Variants in PHACTR3 observed in about 807,000 individuals in gnomAD.
PHACTR3 encodes the protein protein phosphatase 1, regulatory subunit 123.
Under a neutral mutation model 66.8 loss-of-function variants are expected in PHACTR3, and 16 were observed. The observed-to-expected ratio is 0.24, with a 90% CI of 0.16 to 0.36. PHACTR3 has a LOEUF of 0.36. Ranked by LOEUF, PHACTR3 falls within the 10% of genes least tolerant of loss-of-function variation. PHACTR3 has a pLI of 1.00. For missense variants in PHACTR3, 647 were observed against 719.9 expected (o/e 0.90, Z 1.16); for synonymous variants, 323 against 292.1 (o/e 1.11, Z -1.08).
intron 1 of PHACTR3, among the ~76,000 whole-genome samples, chr20:59,611,885 C>A (rs531163279): frequency 2.0e-5 from 3 of 152,112 alleles, no homozygotes; most frequent in African/African-American, 4.8e-5. Flanking sequence ...GTGTATTTTG[C>A]GGGGATTGTT....
At chr20:59,780,474 C>G (rs1179978216) in intron 7 of PHACTR3, among the ~76,000 whole-genome samples, 1 of 152,142 alleles carries the variant, frequency 6.6e-6, no homozygotes, top group Non-Finnish European at 1.5e-5. Flanking sequence ...TCTATGTGTC[C>G]TCACATGGCA....
At chr20:59,646,525 A>G (rs953544051) in intron 1 of PHACTR3, among the ~76,000 whole-genome samples, 1 of 152,156 alleles carries the variant, frequency 6.6e-6, no homozygotes, top group Non-Finnish European at 1.5e-5. Context: ...GAACGAAGTG[A>G]AAATGAAGCT....
intron 1 of PHACTR3, among the ~76,000 whole-genome samples, chr20:59,649,618 T>C (rs1331558749): frequency 6.6e-6 from 1 of 152,204 alleles, no homozygotes; most frequent in Non-Finnish European, 1.5e-5. Flanking sequence ...TCACAGAAAT[T>C]CCAATTAAGA....
chr20:59,831,994 T>C (rs1192894644), intron 8 of PHACTR3, among the ~76,000 whole-genome samples: 1 of 152,164 alleles, frequency 6.6e-6, no homozygotes, highest in East Asian at 1.9e-4. Flanking sequence ...GTCAGCACAC[T>C]GTGGGGCAGG....
chr20:59,804,870 G>A (rs1280343557), intron 7 of PHACTR3, among the ~76,000 whole-genome samples: 2 of 152,206 alleles, frequency 1.3e-5, no homozygotes, highest in Admixed American at 6.5e-5. Flanking sequence ...CACACTAGGA[G>A]TTGACTTCCT....
intron 1 of PHACTR3, among the ~76,000 whole-genome samples, chr20:59,617,563 T>C (rs1162838819): frequency 6.6e-6 from 1 of 152,212 alleles, no homozygotes; most frequent in Non-Finnish European, 1.5e-5. Flanking sequence ...TTTTCTGTTT[T>C]GTTGAACTGA....
chr20:59,745,273 C>T (rs1409971862), intron 2 of PHACTR3, among the ~76,000 whole-genome samples: 7 of 152,186 alleles, frequency 4.6e-5, no homozygotes, highest in Non-Finnish European at 8.8e-5. Context: ...GAGTGACCTC[C>T]GTGACCTCAG....
intron 8 of PHACTR3, among the ~76,000 whole-genome samples, chr20:59,821,944 C>T (rs2145422536): frequency 6.6e-6 from 1 of 151,630 alleles, no homozygotes; most frequent in East Asian, 2.0e-4. Flanking sequence ...ACAAACACAG[C>T]TACCCCCTCC....
At chr20:59,682,756 A>T (rs2146546954) in intron 1 of PHACTR3, among the ~76,000 whole-genome samples, 1 of 152,254 alleles carries the variant, frequency 6.6e-6, no homozygotes, top group South Asian at 2.1e-4. Flanking sequence ...TTCAGTGAAG[A>T]CGCCCCGAAT....
chr20:59,789,515 A>G lies in PHACTR3; in HGVS notation c.1174+15025A>G, dbSNP rs368396912. ...CCACAAAGACCAAGACTTAGGAGTA[A>G]GGGGCATACCTTAAGGCTTTGTTCA... On this transcript the variant is annotated intron_variant, in intron 7 of 12. Coordinates refer to ENST00000371015, the MANE Select transcript of PHACTR3 (RefSeq NM_080672.5). Among the ~76,000 whole-genome samples the G allele has an allele frequency of 5.3e-4, 80 of 152,346 alleles. No individual in the cohort carries two copies. The South Asian group carries it at 0.013, about 25-fold the overall frequency.
intron 1 of PHACTR3, among the ~76,000 whole-genome samples, chr20:59,618,461 A>C (rs1425139330): frequency 6.6e-6 from 1 of 152,102 alleles, no homozygotes; most frequent in Non-Finnish European, 1.5e-5. Flanking sequence ...ACCAGGGAAG[A>C]GGGTGTGGCA....
rs1327484368 is a variant in PHACTR3 at position 59,767,282 on chromosome 20, C to G, written c.638C>G (p.Ser213Cys). The change falls in exon 5 of 13, where the codon TCC (serine) becomes TGC (cysteine). Residue 213 changes from serine to cysteine, a missense_variant. Transcript: ENST00000371015. ...TCCCAAGCCTTAGCTGGGGCTGACT[C>G]CCTGGACAGTCCTCCCAGACCTCTG... ...ELSQALAGAD[S>C]LDSPPRPLER... 1.2e-6 allele frequency: 2 copies of G among 1,614,132 alleles called. No individual in the cohort carries two copies. The highest frequency in any genetic ancestry group is 2.7e-5 in the African/African-American group (2 of 74,950).
At chr20:59,832,150 A>G (rs2042403300) in intron 8 of PHACTR3, among the ~76,000 whole-genome samples, 1 of 152,092 alleles carries the variant, frequency 6.6e-6, no homozygotes, top group Non-Finnish European at 1.5e-5. Flanking sequence ...CAGCCCTCCC[A>G]GCATCTGGAA....
chr20:59,787,712 C>T (rs1158353897), intron 7 of PHACTR3, among the ~76,000 whole-genome samples: 6 of 152,304 alleles, frequency 3.9e-5, no homozygotes, highest in East Asian at 1.9e-4. Flanking sequence ...CTTAGTCAGG[C>T]GCCCTGGGCT....
rs200270841 is a variant in PHACTR3, at chr20:59,651,060, TA to T, written c.118+45937del. On this transcript the variant is annotated intron_variant, in intron 1 of 12. Coordinates refer to ENST00000371015, the MANE Select transcript of PHACTR3 (RefSeq NM_080672.5). ...TTGTGTGTGTGTGTGTTGAAACTGT[TA>T]AAAAAAAATCATCTTTGGGTTGACC... is the stretch of plus-strand genomic sequence containing the variant. 1.1e-4 allele frequency among the ~76,000 whole-genome samples: 17 copies of T among 151,534 alleles called. No individual in the cohort carries two copies. The South Asian group carries it at 1.5e-3, about 13-fold the overall frequency.
chr20:59,809,841 A>C (rs2041681166), intron 8 of PHACTR3, among the ~76,000 whole-genome samples: 1 of 152,120 alleles, frequency 6.6e-6, no homozygotes. Context: ...GTGTCAATAA[A>C]ACTTTATTTA....
chr20:59,800,671 C>A (rs1016722581), intron 7 of PHACTR3, among the ~76,000 whole-genome samples: 2 of 152,162 alleles, frequency 1.3e-5, no homozygotes, highest in Admixed American at 1.3e-4. Context: ...TTCACTGAGC[C>A]TTTTCCTGCT....
chr20:59,677,083 ATTAC>A (rs968647576), intron 1 of PHACTR3, among the ~76,000 whole-genome samples: 3 of 152,110 alleles, frequency 2.0e-5, no homozygotes, highest in African/African-American at 7.2e-5. Flanking sequence ...ATTTTAACCT[ATTAC>A]TTCTGGGCTA....
At position 59,734,555 on chromosome 20, in the gene PHACTR3, G is replaced by A. The variant is rs545367218; in HGVS notation, c.119-8552G>A. Among the ~76,000 whole-genome samples, 168 of 152,128 alleles carry A rather than the reference G, an allele frequency of 1.1e-3. 4 individuals are homozygous for A. In the Middle Eastern group the frequency reaches 0.014, roughly 12 times the overall value. Reference sequence around the variant, plus strand: ...CCAGGCCTAAAAATTCTGTTTGTTTGTTTTTTTCTGAGACTATATTTTTTC... The same window carrying A: ...CCAGGCCTAAAAATTCTGTTTGTTTATTTTTTTCTGAGACTATATTTTTTC... On this transcript the variant is annotated intron_variant, in intron 1 of 12. Transcript: ENST00000371015.
Sources: gnomAD v4.1 joint callset for allele counts (sites outside exome capture counted in the v4.1 genomes callset) on GRCh38, gnomAD v4.1.1 for gene constraint, MANE v1.5 for transcripts, NCBI Gene and HGNC (gene_info 2026-07-23, HGNC 2026-07-21) for gene names.